Variants in CCDC167 observed in about 807,000 individuals in gnomAD.
The protein encoded by CCDC167 is coiled-coil domain-containing protein 167.
In CCDC167, 15 loss-of-function variants were observed where a neutral mutation model predicts 12.7. The observed-to-expected ratio is 1.18, with a 90% confidence interval of 0.79 to 1.81. The LOEUF is 1.81. Among genes scored for constraint, CCDC167 ranks in the 40% most tolerant of loss-of-function variants. The pLI, the probability that CCDC167 is intolerant of heterozygous loss-of-function variation, is 0.00. For synonymous variants in CCDC167, 52 were observed against 49.0 expected (o/e 1.06, Z -0.26); for missense variants, 121 against 120.1 (o/e 1.01, Z -0.03).
At chr6:37,484,647 C>T (rs1167585469) in intron 3 of CCDC167, among the ~76,000 whole-genome samples, 163 bp downstream of exon 3, 1 of 152,242 alleles carries the variant, frequency 6.6e-6, no homozygotes, top group Non-Finnish European at 1.5e-5. Flanking sequence ...TGCTCTCCCG[C>T]AGGCTGCTGG....
At chr6:37,498,026 G>A (rs971254143) in intron 1 of CCDC167, among the ~76,000 whole-genome samples, 8 of 152,168 alleles carry the variant, frequency 5.3e-5, no homozygotes, top group African/African-American at 1.9e-4. Flanking sequence ...CATGGACTGC[G>A]AGCGACTCAA....
At chr6:37,499,770 G>T in intron 1 of CCDC167, 52 bp downstream of exon 1, 2 of 1,580,430 alleles carry the variant, frequency 1.3e-6, no homozygotes, top group Non-Finnish European at 1.7e-6. Context: ...CTTATCCCGC[G>T]GCCAGGAGAA....
At chr6:37,490,972 A>G (rs1019055527) in intron 1 of CCDC167, among the ~76,000 whole-genome samples, 9 of 152,182 alleles carry the variant, frequency 5.9e-5, no homozygotes, top group African/African-American at 2.2e-4. Flanking sequence ...AGCTTTAAGG[A>G]AGTCTCCCTG....
At chr6:37,491,744 T>C (rs1361743381) in intron 1 of CCDC167, among the ~76,000 whole-genome samples, 1 of 152,188 alleles carries the variant, frequency 6.6e-6, no homozygotes, top group Admixed American at 6.5e-5. Context: ...CTGTAGTCTG[T>C]GCTGTGTGCC....
chr6:37,493,616 G>T (rs745482177), intron 1 of CCDC167, among the ~76,000 whole-genome samples: 2 of 152,220 alleles, frequency 1.3e-5, no homozygotes, highest in Admixed American at 1.3e-4. Flanking sequence ...AATGGTCAGC[G>T]GCCCCTGAAC....
At chr6:37,485,818 C>T (rs1761935451) in intron 1 of CCDC167, among the ~76,000 whole-genome samples, 1 of 152,232 alleles carries the variant, frequency 6.6e-6, no homozygotes, top group African/African-American at 2.4e-5. Context: ...CTTTCTTCCT[C>T]TCTGACTTGG....
chr6:37,493,061 A>C (rs1159854749), intron 1 of CCDC167, among the ~76,000 whole-genome samples: 10 of 152,246 alleles, frequency 6.6e-5, no homozygotes, highest in Admixed American at 5.9e-4. Context: ...TGAAGACGGC[A>C]GACCTTCCCA....
chr6:37,486,536 G>A lies in CCDC167; in HGVS notation c.43-1342C>T, dbSNP rs113686165. On this transcript the variant is annotated intron_variant, in intron 1 of 3. Transcript: ENST00000373408. ...ATGTCAGCCACTTTTCCTTCTTCCC[G>A]AGGGAGGCCTGGCAATGACACACCA... Among the ~76,000 whole-genome samples, 10 of 152,250 alleles carry A rather than the reference G, an allele frequency of 6.6e-5. 1 individual carries two copies. Among genetic ancestry groups the A allele is most frequent in the African/African-American group, 1.9e-4 (8 of 41,514 alleles).
intron 1 of CCDC167, among the ~76,000 whole-genome samples, chr6:37,492,778 G>GC (rs1298175483): frequency 6.6e-6 from 1 of 152,158 alleles, no homozygotes; most frequent in Non-Finnish European, 1.5e-5. Flanking sequence ...AATGGGTAAA[G>GC]CAGCCAAGTG....
intron 1 of CCDC167, among the ~76,000 whole-genome samples, chr6:37,489,882 G>C (rs1449503169): frequency 6.6e-6 from 1 of 152,232 alleles, no homozygotes; most frequent in Non-Finnish European, 1.5e-5. Flanking sequence ...GGCTGTGACT[G>C]TGACCGGCAA....
chr6:37,491,652 G>A (rs943794434), intron 1 of CCDC167, among the ~76,000 whole-genome samples: 1 of 152,184 alleles, frequency 6.6e-6, no homozygotes, highest in African/African-American at 2.4e-5. Flanking sequence ...GTGTCTGCAT[G>A]ACAGCATGAG....
chr6:37,484,913 C>T (rs1761921678), intron 2 of CCDC167, 51 bp from the exon 3 acceptor site: 2 of 1,605,940 alleles, frequency 1.2e-6, no homozygotes, highest in South Asian at 1.1e-5. Flanking sequence ...TTTTCCCCAC[C>T]CGAGGGGCAG....
intron 1 of CCDC167, among the ~76,000 whole-genome samples, chr6:37,498,824 TA>T (rs34019934): frequency 0.72 from 106,781 of 149,140 alleles, 38,338 homozygotes; most frequent in Middle Eastern, 0.9. Flanking sequence ...GACTCTGTCT[TA>T]AAAAAAAAAA....
At chr6:37,491,822 C>A (rs1561799212) in intron 1 of CCDC167, among the ~76,000 whole-genome samples, 1 of 152,196 alleles carries the variant, frequency 6.6e-6, no homozygotes, top group African/African-American at 2.4e-5. Flanking sequence ...GTGAGGTGGG[C>A]AGTATTATCA....
At chr6:37,483,882 T>G (rs1056822542) in intron 3 of CCDC167, among the ~76,000 whole-genome samples, 2 of 152,194 alleles carry the variant, frequency 1.3e-5, no homozygotes, top group African/African-American at 4.8e-5. Flanking sequence ...ATGGCCACAC[T>G]TGTATCAAAG....
chr6:37,487,041 C>T (rs866361395), intron 1 of CCDC167, among the ~76,000 whole-genome samples: 75 of 152,178 alleles, frequency 4.9e-4, no homozygotes, highest in African/African-American at 1.7e-3. Context: ...GGGGTGCATT[C>T]CACCCTCCTT....
At position 37,495,258 on chromosome 6, in the gene CCDC167, C is replaced by T. The variant is rs376470208; in HGVS notation, c.42+4564G>A. Among the ~76,000 whole-genome samples, 9 of 152,338 alleles carry T rather than the reference C, an allele frequency of 5.9e-5. No homozygotes were observed. The East Asian group carries it at 1.2e-3, about 20-fold the overall frequency. On this transcript the variant is annotated intron_variant, in intron 1 of 3. Coordinates refer to ENST00000373408, the MANE Select transcript of CCDC167 (RefSeq NM_138493.3). The stretch of plus-strand genomic sequence containing the variant: ...ATCCACTTTAGGATACCGGCTAAGA[C>T]ACCACACATCTGTTAACTCAAGACC...
chr6:37,487,655 C>T (rs979453698), intron 1 of CCDC167, among the ~76,000 whole-genome samples: 2 of 152,204 alleles, frequency 1.3e-5, no homozygotes, highest in Non-Finnish European at 2.9e-5. Flanking sequence ...ACCAAGTGCC[C>T]AAACAAGTGG....
In CCDC167 at chr6:37,492,751, C is replaced by T. The variant is rs184327778; in HGVS notation, c.42+7071G>A. On this transcript the variant is annotated intron_variant, in intron 1 of 3. Coordinates refer to ENST00000373408, the MANE Select transcript of CCDC167 (RefSeq NM_138493.3). ...CACTCATTTTCACACGTCAGGAGACCCCAGGACATTTATTATAATGGGTAA... is the reference window on the plus strand; with the variant it reads ...CACTCATTTTCACACGTCAGGAGACTCCAGGACATTTATTATAATGGGTAA... 4.6e-3 allele frequency among the ~76,000 whole-genome samples: 697 copies of T among 152,250 alleles called. 5 individuals carry two copies. The highest frequency in any genetic ancestry group is 7.8e-3 in the Non-Finnish European group (532 of 68,010).
Sources: gnomAD v4.1 joint callset for allele counts (sites outside exome capture counted in the v4.1 genomes callset) on GRCh38, gnomAD v4.1.1 for gene constraint, MANE v1.5 for transcripts, NCBI Gene and HGNC (gene_info 2026-07-23, HGNC 2026-07-21) for gene names.